SGCZ: variants seen among roughly 807,000 people sequenced by gnomAD.
SGCZ encodes sarcoglycan zeta, also known as zeta-sarcoglycan.
Under a neutral mutation model 41.3 loss-of-function variants are expected in SGCZ, and 40 were observed. That is an observed-to-expected ratio of 0.97 (90% CI 0.75 to 1.26). The LOEUF is 1.26. Among genes scored for constraint, SGCZ ranks in the 50% most tolerant of loss-of-function variants. The pLI, the probability that SGCZ is intolerant of heterozygous loss-of-function variation, is 0.00. For missense variants in SGCZ, 552 were observed against 369.8 expected (o/e 1.49, Z -4.04); for synonymous variants, 206 against 137.5 (o/e 1.50, Z -3.49).
chr8:14,483,285 T>C (rs1801584185), intron 2 of SGCZ, among the ~76,000 whole-genome samples: 1 of 152,160 alleles, frequency 6.6e-6, no homozygotes, highest in East Asian at 1.9e-4. Context: ...AAATGGGATT[T>C]GAGGGCTGGT....
chr8:14,504,449 C>A (rs1429831528), intron 2 of SGCZ, among the ~76,000 whole-genome samples: 2 of 152,128 alleles, frequency 1.3e-5, no homozygotes, highest in African/African-American at 4.8e-5. Flanking sequence ...AGTCTAAAAC[C>A]TAGATATGCA....
chr8:14,631,961 T>C (rs768286415), intron 1 of SGCZ, among the ~76,000 whole-genome samples: 2 of 152,164 alleles, frequency 1.3e-5, no homozygotes, highest in Non-Finnish European at 2.9e-5. Flanking sequence ...ACATAATGTT[T>C]GTTACATTAT....
rs112230427 is a variant in SGCZ at position 14,098,080 on chromosome 8, T to G, written c.744+4296A>C. Among the ~76,000 whole-genome samples the G allele has an allele frequency of 7.2e-5, 11 of 152,308 alleles. 1 individual carries two copies. The highest frequency in any genetic ancestry group is 2.6e-4 in the African/African-American group (11 of 41,586). On this transcript the variant is annotated intron_variant, in intron 7 of 7. Coordinates refer to ENST00000382080, the MANE Select transcript of SGCZ (RefSeq NM_139167.4). ...GAATTTTTAGTAATTCCTACCATGT[T>G]TAACCCTGTAGATACACCTTCTACA...
At chr8:14,331,022 G>T (rs2117050889) in intron 2 of SGCZ, among the ~76,000 whole-genome samples, 1 of 151,814 alleles carries the variant, frequency 6.6e-6, no homozygotes, top group Admixed American at 6.6e-5. Context: ...TCAATAGGAA[G>T]GAAGGTAGAT....
intron 1 of SGCZ, among the ~76,000 whole-genome samples, chr8:14,590,425 C>A (rs1805203720): frequency 6.6e-6 from 1 of 151,632 alleles, no homozygotes; most frequent in Non-Finnish European, 1.5e-5. Context: ...GTCTGTGTTT[C>A]ATTATATGTA....
intron 1 of SGCZ, among the ~76,000 whole-genome samples, chr8:14,735,927 T>C (rs941704450): frequency 1.3e-5 from 2 of 151,978 alleles, no homozygotes; most frequent in African/African-American, 4.8e-5. Flanking sequence ...GAGTGATCAG[T>C]ATGAGCAAAG....
chr8:14,364,616 G>A (rs1803635004), intron 2 of SGCZ, among the ~76,000 whole-genome samples: 1 of 152,052 alleles, frequency 6.6e-6, no homozygotes, highest in African/African-American at 2.4e-5. Context: ...CTTGAGAGAT[G>A]CTATGCGTTA....
intron 1 of SGCZ, among the ~76,000 whole-genome samples, chr8:15,145,202 T>A (rs377721222): frequency 6.6e-6 from 1 of 152,210 alleles, no homozygotes; most frequent in African/African-American, 2.4e-5. Flanking sequence ...TTCAGCCATG[T>A]TCATTATACA....
rs192273428 is a variant in SGCZ, at chr8:14,993,888, G to A, written c.39+243697C>T. ...CATCAGAGAGCACTTTGAATAAAGC[G>A]TCATATGACTTTGCTTAGATTTTAA... is the stretch of plus-strand genomic sequence containing the variant. On this transcript the variant is annotated intron_variant, in intron 1 of 7. Transcript: ENST00000382080. 1.6e-3 allele frequency among the ~76,000 whole-genome samples: 237 copies of A among 152,266 alleles called. 1 individual carries two copies. The highest frequency in any genetic ancestry group is 2.7e-3 in the Non-Finnish European group (182 of 68,032).
At chr8:14,929,464 C>T (rs1799864416) in intron 1 of SGCZ, among the ~76,000 whole-genome samples, 1 of 150,546 alleles carries the variant, frequency 6.6e-6, no homozygotes, top group Admixed American at 6.6e-5. Flanking sequence ...TTACCGAATG[C>T]CTGGGAAATA....
At chr8:14,585,134 T>G (rs575516648) in intron 1 of SGCZ, among the ~76,000 whole-genome samples, 1 of 152,140 alleles carries the variant, frequency 6.6e-6, no homozygotes, top group Admixed American at 6.6e-5. Context: ...TCTCTACTAA[T>G]AAACATTAGC....
chr8:14,608,498 G>C (rs1563149856), intron 1 of SGCZ, among the ~76,000 whole-genome samples: 1 of 151,830 alleles, frequency 6.6e-6, no homozygotes, highest in Non-Finnish European at 1.5e-5. Flanking sequence ...AGAGAGAGAG[G>C]AGGAGATGCC....
intron 2 of SGCZ, among the ~76,000 whole-genome samples, chr8:14,553,471 T>C (rs1289615728): frequency 2.0e-5 from 3 of 152,052 alleles, no homozygotes; most frequent in African/African-American, 7.2e-5. Context: ...TTGCCTTCAG[T>C]TTCTTATTTG....
intron 2 of SGCZ, among the ~76,000 whole-genome samples, chr8:14,385,627 G>T (rs528583580): frequency 3.9e-5 from 6 of 152,162 alleles, no homozygotes; most frequent in African/African-American, 1.2e-4. Flanking sequence ...AGTCCATGGG[G>T]TCTTGGTACA....
chr8:14,436,854 A>AATCC (rs1346616190), intron 2 of SGCZ, among the ~76,000 whole-genome samples: 1 of 152,208 alleles, frequency 6.6e-6, no homozygotes, highest in Non-Finnish European at 1.5e-5. Flanking sequence ...CTTTGTTGGA[A>AATCC]AACTGACAAA....
intron 5 of SGCZ, among the ~76,000 whole-genome samples, chr8:14,152,387 G>C (rs899853538): frequency 4.6e-5 from 7 of 152,166 alleles, no homozygotes; most frequent in African/African-American, 1.7e-4. Context: ...CAATGAGTTA[G>C]GCAAGGTGAC....
intron 4 of SGCZ, among the ~76,000 whole-genome samples, chr8:14,177,675 A>ATTTTTTTTTT (rs1193141913): frequency 0.011 from 1,209 of 111,078 alleles, no homozygotes; most frequent in Non-Finnish European, 0.018. Context: ...ACGCCCTGCT[A>ATTTTTTTTTT]TTTTTTTTTT....
At chr8:14,830,025 G>C (rs994305965) in intron 1 of SGCZ, among the ~76,000 whole-genome samples, 11 of 151,920 alleles carry the variant, frequency 7.2e-5, no homozygotes, top group African/African-American at 2.7e-4. Context: ...TGTTAGCCAG[G>C]GGTCTCGATC....
At chr8:14,903,620 T>G (rs972346609) in intron 1 of SGCZ, among the ~76,000 whole-genome samples, 2 of 152,074 alleles carry the variant, frequency 1.3e-5, no homozygotes, top group African/African-American at 4.8e-5. Flanking sequence ...TTCAGTCACT[T>G]CTATGAAATA....
Sources: gnomAD v4.1 joint callset for allele counts (sites outside exome capture counted in the v4.1 genomes callset) on GRCh38, gnomAD v4.1.1 for gene constraint, MANE v1.5 for transcripts, NCBI Gene and HGNC (gene_info 2026-07-23, HGNC 2026-07-21) for gene names.